The following PPP2R5E variants were observed in gnomAD, a reference collection of about 807,000 sequenced individuals.
PPP2R5E encodes the protein protein phosphatase 2 regulatory subunit B'epsilon.
Under a neutral mutation model 65.3 loss-of-function variants are expected in PPP2R5E, and 4 were observed. The observed-to-expected ratio is 0.06, with a 90% CI of 0.03 to 0.14. The LOEUF is 0.14. Ranked by LOEUF, PPP2R5E falls within the 10% of genes least tolerant of loss-of-function variation. The pLI is 1.00. For synonymous variants in PPP2R5E, 183 were observed against 187.4 expected (o/e 0.98, Z 0.19); for missense variants, 274 against 556.1 (o/e 0.49, Z 5.10).
chr14:63,401,100 T>C (rs1031275495), intron 5 of PPP2R5E, among the ~76,000 whole-genome samples: 2 of 152,220 alleles, frequency 1.3e-5, no homozygotes, highest in Non-Finnish European at 2.9e-5. Context: ...AAATATTAAA[T>C]GTATCATATT....
intron 13 of PPP2R5E, 120 bp from the exon 14 acceptor site, chr14:63,376,228 T>G: frequency 1.5e-6 from 1 of 656,998 alleles, no homozygotes; most frequent in South Asian, 2.4e-5. Flanking sequence ...GAAAATTAAC[T>G]TTAAAATTAC....
intron 3 of PPP2R5E, among the ~76,000 whole-genome samples, chr14:63,433,067 T>C (rs187717308): frequency 0.022 from 3,065 of 139,364 alleles, 49 homozygotes; most frequent in Non-Finnish European, 0.032. Flanking sequence ...AGACAGGGTC[T>C]CACTGTGTCA....
chr14:63,519,668 C>A (rs1012387705), intron 2 of PPP2R5E, among the ~76,000 whole-genome samples: 1 of 140,294 alleles, frequency 7.1e-6, no homozygotes, highest in African/African-American at 2.6e-5. Flanking sequence ...GACAAACTCT[C>A]TTTTTTTTTT....
Position 63,512,133 on chromosome 14 carries a change from T to C in PPP2R5E, c.157+27396A>G, listed in dbSNP as rs566679555. ...TCTCAGAACACTGAAAATAAAAGAT[T>C]TCACACCAATACAATGTATCTTTTC... On this transcript the variant is annotated intron_variant, in intron 2 of 13. Coordinates refer to ENST00000337537, the MANE Select transcript of PPP2R5E (RefSeq NM_006246.5). Among the ~76,000 whole-genome samples, 3 of 150,260 alleles carry C rather than the reference T, an allele frequency of 2.0e-5. No homozygotes were observed. The South Asian group carries it at 6.3e-4, about 32-fold the overall frequency.
At chr14:63,382,675 A>G (rs1051284980) in intron 12 of PPP2R5E, among the ~76,000 whole-genome samples, 22 of 152,194 alleles carry the variant, frequency 1.4e-4, no homozygotes, top group Admixed American at 1.2e-3. Flanking sequence ...TGCTGGGATT[A>G]TAGGCGTGAG....
At chr14:63,530,223 TC>T (rs1893355295) in intron 2 of PPP2R5E, among the ~76,000 whole-genome samples, 1 of 143,656 alleles carries the variant, frequency 7.0e-6, no homozygotes, top group South Asian at 2.2e-4. Flanking sequence ...AAGAAATTTT[TC>T]CGTTTTTTTT....
chr14:63,534,333 G>A (rs1893573631), intron 2 of PPP2R5E, among the ~76,000 whole-genome samples: 1 of 151,622 alleles, frequency 6.6e-6, no homozygotes, highest in African/African-American at 2.4e-5. Context: ...GGCACAATAT[G>A]AGCTCACTGC....
intron 10 of PPP2R5E, 113 bp downstream of exon 10, chr14:63,391,704 T>G: frequency 2.6e-5 from 31 of 1,171,884 alleles, no homozygotes; most frequent in Non-Finnish European, 3.6e-5. Context: ...ATTACAGGCA[T>G]GAGCCACTGC....
intron 3 of PPP2R5E, among the ~76,000 whole-genome samples, chr14:63,439,020 T>C (rs1012946071): frequency 6.6e-6 from 1 of 151,586 alleles, no homozygotes; most frequent in East Asian, 1.9e-4. Context: ...TAAAACTTCA[T>C]AGAGAGTTTG....
In PPP2R5E at chr14:63,379,261, C is replaced by G. The variant is rs527860985; in HGVS notation, c.1304+2795G>C. Among the ~76,000 whole-genome samples, 3 of 152,164 alleles carry G rather than the reference C, an allele frequency of 2.0e-5. No individual in the cohort carries two copies. The East Asian group carries it at 5.8e-4, about 29-fold the overall frequency. Reference sequence around the variant, plus strand: ...GCCAGGATGGTCTCGATCTCCTAACCTCGTGATCCGCCCGCCTCGGCCTCC... The same window carrying G: ...GCCAGGATGGTCTCGATCTCCTAACGTCGTGATCCGCCCGCCTCGGCCTCC... On this transcript the variant is annotated intron_variant, in intron 13 of 13. Coordinates refer to ENST00000337537, the MANE Select transcript of PPP2R5E (RefSeq NM_006246.5).
intron 2 of PPP2R5E, among the ~76,000 whole-genome samples, chr14:63,512,281 A>G (rs1892496361): frequency 6.6e-6 from 1 of 152,190 alleles, no homozygotes; most frequent in Non-Finnish European, 1.5e-5. Flanking sequence ...CCTTATAGAA[A>G]AGAAACCAAG....
intron 2 of PPP2R5E, among the ~76,000 whole-genome samples, chr14:63,487,895 C>T (rs1401640779): frequency 6.7e-6 from 1 of 148,350 alleles, no homozygotes; most frequent in East Asian, 2.0e-4. Context: ...ATTACAGTAC[C>T]ATCAAGGTTT....
chr14:63,488,301 A>G (rs59539689), intron 2 of PPP2R5E, among the ~76,000 whole-genome samples: 3,029 of 151,980 alleles, frequency 0.02, 99 homozygotes, highest in African/African-American at 0.069. Context: ...TGGTCCAAGC[A>G]ATCCTCCCAC....
chr14:63,515,409 T>A (rs1311443570), intron 2 of PPP2R5E, among the ~76,000 whole-genome samples: 1 of 152,242 alleles, frequency 6.6e-6, no homozygotes, highest in Non-Finnish European at 1.5e-5. Context: ...TGACTGACAT[T>A]CCAATTTAAT....
chr14:63,468,892 T>C (rs1395525954), intron 2 of PPP2R5E, among the ~76,000 whole-genome samples: 1 of 152,156 alleles, frequency 6.6e-6, no homozygotes, highest in Non-Finnish European at 1.5e-5. Context: ...CACTTCAAAG[T>C]ATCTCTAAAC....
chr14:63,416,141 G>C (rs1886671724), intron 4 of PPP2R5E, among the ~76,000 whole-genome samples: 1 of 152,150 alleles, frequency 6.6e-6, no homozygotes, highest in Non-Finnish European at 1.5e-5. Context: ...ATCCTGACGA[G>C]GTATGCAACA....
rs1427187078 is a variant in PPP2R5E, at chr14:63,430,389, A to ACATG, written c.355-8296_355-8295insCATG. On this transcript the variant is annotated intron_variant, in intron 3 of 13. Transcript: ENST00000337537. ...TACATACATGCATGCATACATACAT[A>ACATG]CATACATACATGCATACATACATAC... Among the ~76,000 whole-genome samples, 1,272 of 142,500 alleles carry ACATG rather than the reference A, an allele frequency of 8.9e-3. 16 individuals are homozygous for ACATG. The highest frequency in any genetic ancestry group is 0.027 in the African/African-American group (915 of 34,202). The allele number at this position is 142,500 out of a possible 152,430, so 93.5% of individuals were successfully genotyped here.
intron 2 of PPP2R5E, among the ~76,000 whole-genome samples, chr14:63,482,291 C>T (rs1890743273): frequency 6.6e-6 from 1 of 152,126 alleles, no homozygotes; most frequent in Admixed American, 6.5e-5. Flanking sequence ...GAAACCCCGT[C>T]TCTACTAAAA....
At chr14:63,496,756 C>A (rs914591216) in intron 2 of PPP2R5E, among the ~76,000 whole-genome samples, 1 of 151,950 alleles carries the variant, frequency 6.6e-6, no homozygotes, top group African/African-American at 2.4e-5. Context: ...TTTTTCTTCT[C>A]CGACTTAAAT....
Sources: allele counts gnomAD v4.1 joint callset (sites outside exome capture counted in the v4.1 genomes callset), GRCh38; gene constraint gnomAD v4.1.1; transcripts MANE v1.5; gene names NCBI Gene and HGNC (gene_info 2026-07-23, HGNC 2026-07-21).